SNTB1: variants seen among roughly 807,000 people sequenced by gnomAD.
SNTB1 encodes syntrophin beta 1.
Under a neutral mutation model 48.9 loss-of-function variants are expected in SNTB1, and 36 were observed. The observed-to-expected ratio is 0.74, with a 90% CI of 0.56 to 0.97. SNTB1 has a LOEUF of 0.97. SNTB1 is among the 50% of genes least tolerant of loss of function. The pLI is 0.00. For missense variants in SNTB1, 786 were observed against 703.4 expected (o/e 1.12, Z -1.33); for synonymous variants, 299 against 294.6 (o/e 1.01, Z -0.15).
rs1421328849 is a variant in SNTB1, at chr8:120,537,854, A to G, written c.*1023T>C. 1 of 152,224 alleles carries G rather than the reference A, an allele frequency of 6.6e-6. No individual in the cohort carries two copies. Among genetic ancestry groups the G allele is most frequent in the Admixed American group, 6.5e-5 (1 of 15,284 alleles). The allele number at this position is 152,224 out of a possible 1,614,324, so 9.4% of individuals were successfully genotyped here. Reference sequence around the variant, plus strand: ...TAGATTTGATTATAGCATTCAGTCTATATGTAAAACCCAGCATTATCCAGA... The same window carrying G: ...TAGATTTGATTATAGCATTCAGTCTGTATGTAAAACCCAGCATTATCCAGA... On this transcript the variant is annotated 3_prime_UTR_variant, in exon 7 of 7. Transcript: ENST00000517992.
chr8:120,622,683 C>G (rs1414503475), intron 3 of SNTB1, among the ~76,000 whole-genome samples: 1 of 152,164 alleles, frequency 6.6e-6, no homozygotes, highest in Non-Finnish European at 1.5e-5. Context: ...TAACCTTCAA[C>G]ATGTCACAGT....
intron 1 of SNTB1, among the ~76,000 whole-genome samples, chr8:120,705,891 T>C (rs1260465596): frequency 6.6e-6 from 1 of 152,182 alleles, no homozygotes; most frequent in Non-Finnish European, 1.5e-5. Context: ...CTTCCTTAGA[T>C]AGGCAATACA....
chr8:120,544,951 T>C (rs1444595987), intron 5 of SNTB1, among the ~76,000 whole-genome samples: 1 of 152,192 alleles, frequency 6.6e-6, no homozygotes, highest in African/African-American at 2.4e-5. Context: ...TATGTTGCAA[T>C]AGAAGTTCTG....
chr8:120,645,332 A>T (rs1177852590), intron 2 of SNTB1, among the ~76,000 whole-genome samples: 2 of 149,268 alleles, frequency 1.3e-5, no homozygotes, highest in Admixed American at 1.3e-4. Context: ...TATTGAATTG[A>T]TTTTTGTATA....
intron 2 of SNTB1, among the ~76,000 whole-genome samples, chr8:120,680,261 C>T (rs1379160734): frequency 6.6e-6 from 1 of 152,106 alleles, no homozygotes; most frequent in Non-Finnish European, 1.5e-5. Flanking sequence ...GTAGATATTC[C>T]CTACCTAATG....
chr8:120,607,945 A>G (rs1345679942), intron 3 of SNTB1, among the ~76,000 whole-genome samples: 2 of 152,352 alleles, frequency 1.3e-5, no homozygotes, highest in Admixed American at 6.5e-5. Flanking sequence ...TGTCATTTGG[A>G]TAGGATAAAA....
chr8:120,686,421 C>T (rs73708633), intron 2 of SNTB1, among the ~76,000 whole-genome samples: 7,645 of 152,212 alleles, frequency 0.05, 515 homozygotes, highest in East Asian at 0.3. Flanking sequence ...TGGCTGGTAC[C>T]TACTATATGT....
intron 1 of SNTB1, among the ~76,000 whole-genome samples, chr8:120,701,038 TA>T (rs1818302068): frequency 6.6e-6 from 1 of 152,164 alleles, no homozygotes; most frequent in South Asian, 2.1e-4. Context: ...GAAACCTGGG[TA>T]TTCAGACTTC....
intron 1 of SNTB1, among the ~76,000 whole-genome samples, chr8:120,752,448 T>C (rs1364120567): frequency 6.6e-6 from 1 of 152,062 alleles, no homozygotes; most frequent in African/African-American, 2.4e-5. Flanking sequence ...TGAGTATATA[T>C]CTAAAGGAAA....
chr8:120,801,322 C>T lies in SNTB1; in HGVS notation c.571+9951G>A, dbSNP rs184926230. Among the ~76,000 whole-genome samples the T allele has an allele frequency of 5.2e-3, 798 of 152,140 alleles. 9 individuals carry two copies. Among genetic ancestry groups the T allele is most frequent in the African/African-American group, 0.018 (757 of 41,530 alleles). On this transcript the variant is annotated intron_variant, in intron 1 of 6. Transcript: ENST00000517992. ...TACATAAGTCACCTCTTCTGTGAAACATTCCATTCAATTTCAGATATCCGT... is the reference window on the plus strand; with the variant it reads ...TACATAAGTCACCTCTTCTGTGAAATATTCCATTCAATTTCAGATATCCGT...
intron 2 of SNTB1, among the ~76,000 whole-genome samples, chr8:120,656,046 G>A (rs1817496310): frequency 6.6e-6 from 1 of 151,834 alleles, no homozygotes; most frequent in Non-Finnish European, 1.5e-5. Context: ...TGTTGAGCCT[G>A]TTTTTTTTGA....
chr8:120,646,559 C>T (rs1372823545), intron 2 of SNTB1, among the ~76,000 whole-genome samples: 3 of 151,268 alleles, frequency 2.0e-5, no homozygotes, highest in African/African-American at 7.3e-5. Flanking sequence ...CTGCTGGATT[C>T]GTTTTGCCAG....
intron 1 of SNTB1, among the ~76,000 whole-genome samples, chr8:120,778,004 T>G (rs1234268331): frequency 6.6e-6 from 1 of 152,244 alleles, no homozygotes; most frequent in East Asian, 1.9e-4. Flanking sequence ...TGAAAACCTT[T>G]GCTGTTTTGC....
intron 1 of SNTB1, among the ~76,000 whole-genome samples, chr8:120,768,488 A>G (rs1016230558): frequency 1.3e-5 from 2 of 152,168 alleles, no homozygotes; most frequent in African/African-American, 4.8e-5. Flanking sequence ...ATTTGATCCA[A>G]TTACAGTGGG....
intron 2 of SNTB1, among the ~76,000 whole-genome samples, chr8:120,666,036 A>G (rs904361637): frequency 2.0e-5 from 3 of 152,266 alleles, no homozygotes; most frequent in African/African-American, 7.2e-5. Flanking sequence ...CTGTTTGGTC[A>G]TTCTGAGTCC....
chr8:120,759,851 G>T (rs1819385749), intron 1 of SNTB1, among the ~76,000 whole-genome samples: 1 of 150,406 alleles, frequency 6.6e-6, no homozygotes, highest in Non-Finnish European at 1.5e-5. Flanking sequence ...TAAATGTGAG[G>T]ATCCTCTCCA....
At chr8:120,575,342 T>G (rs1815934443) in intron 3 of SNTB1, 117 bp from the exon 4 acceptor site, 1 of 1,187,628 alleles carries the variant, frequency 8.4e-7, no homozygotes, top group African/African-American at 1.5e-5. Context: ...TTGGTTTGGT[T>G]GCAAAATCAA....
At chr8:120,596,139 A>C (rs1434413732) in intron 3 of SNTB1, among the ~76,000 whole-genome samples, 4 of 152,166 alleles carry the variant, frequency 2.6e-5, no homozygotes. Context: ...AGGGATGTGG[A>C]TGGTTTCACA....
intron 1 of SNTB1, chr8:120,775,511 C>T (rs1442508845): frequency 6.6e-6 from 1 of 151,296 alleles, no homozygotes; most frequent in Non-Finnish European, 1.5e-5. Flanking sequence ...AGGAGTATAG[C>T]AAAAAGATAC....
Sources: gnomAD v4.1 joint callset for allele counts (sites outside exome capture counted in the v4.1 genomes callset) on GRCh38, gnomAD v4.1.1 for gene constraint, MANE v1.5 for transcripts, NCBI Gene and HGNC (gene_info 2026-07-23, HGNC 2026-07-21) for gene names.